ST3GAL5: variants seen among roughly 807,000 people sequenced by gnomAD.
ST3GAL5 encodes the protein lactosylceramide alpha-2,3-sialyltransferase.
Under a neutral mutation model 46.1 loss-of-function variants are expected in ST3GAL5, and 25 were observed. The observed-to-expected ratio is 0.54, with a 90% CI of 0.40 to 0.76. The LOEUF (loss-of-function observed/expected upper bound fraction) is 0.76, where lower values mean the gene tolerates loss of function less well. Among genes scored for constraint, ST3GAL5 ranks in the 30% least tolerant of loss-of-function variants. The pLI is 0.00. For synonymous variants in ST3GAL5, 182 were observed against 192.7 expected, an observed-to-expected ratio of 0.94 and a Z score of 0.46; for missense variants, 431 against 521.2, an observed-to-expected ratio of 0.83 and a Z score of 1.69.
At chr2:85,880,839 A>C (rs78503799) in intron 1 of ST3GAL5, 21 of 499,514 alleles carry the variant, frequency 4.2e-5, no homozygotes, top group Non-Finnish European at 7.9e-5. Flanking sequence ...AAAAAAAAAA[A>C]CTCTCATAAT....
At chr2:85,844,313 G>A in intron 6 of ST3GAL5, 83 bp downstream of exon 6, 4 of 1,576,884 alleles carry the variant, frequency 2.5e-6, no homozygotes, top group Non-Finnish European at 3.5e-6. Flanking sequence ...GATGCTTCTG[G>A]GTATACAGTT....
chr2:85,845,030 A>G (rs1682613532), intron 5 of ST3GAL5: 2 of 226,810 alleles, frequency 8.8e-6, no homozygotes, highest in South Asian at 1.3e-4. Flanking sequence ...TGACTGATAT[A>G]GAATCAGCTT....
At chr2:85,850,151 T>C (rs764314820) in intron 3 of ST3GAL5, 3 of 152,000 alleles carry the variant, frequency 2.0e-5, no homozygotes, top group Non-Finnish European at 4.4e-5. Flanking sequence ...GAGAACACTG[T>C]CTACATCCGA....
At position 85,841,814 on chromosome 2, in the gene ST3GAL5, G is replaced by A. The variant is rs762516767; in HGVS notation, c.1009-1422C>T. Among the ~76,000 whole-genome samples the A allele has an allele frequency of 2.0e-5, 3 of 151,984 alleles. 1 individual carries two copies. Among genetic ancestry groups the A allele is most frequent in the African/African-American group, 7.3e-5 (3 of 41,360 alleles). On this transcript the variant is annotated intron_variant, in intron 6 of 6. Coordinates refer to ENST00000638572, the MANE Select transcript of ST3GAL5 (RefSeq NM_003896.4). The stretch of plus-strand genomic sequence containing the variant: ...TCCTGGAATGTGCAAATCTGACATC[G>A]TGCTTTCTGGATCTCCATGCCAGCC...
intron 1 of ST3GAL5, among the ~76,000 whole-genome samples, chr2:85,878,477 A>T (rs760300157): frequency 6.6e-6 from 1 of 152,194 alleles, no homozygotes; most frequent in Non-Finnish European, 1.5e-5. Flanking sequence ...TCTCCCAGGA[A>T]TGATCTATAA....
Position 85,867,733 on chromosome 2 carries a change from T to A in ST3GAL5, c.83-4248A>T, listed in dbSNP as rs1015474021. The stretch of plus-strand genomic sequence containing the variant: ...TGAAGGAATGTATAGGACATTGACA[T>A]CCAACCCTCAGGAAAATGCAAGAAT... On this transcript the variant is annotated intron_variant, in intron 1 of 6. Transcript: ENST00000638572. 5 of 754,924 alleles carry A rather than the reference T, an allele frequency of 6.6e-6. No homozygotes were observed. The East Asian group carries it at 1.3e-4, about 19-fold the overall frequency. 46.8% of individuals were successfully genotyped at this position (754,924 alleles called of 1,614,324 possible). A position where few individuals can be genotyped will look rare whatever the true frequency, so the allele number is the denominator to read the frequency against.
At chr2:85,841,633 C>A (rs1223829278) in intron 6 of ST3GAL5, among the ~76,000 whole-genome samples, 1 of 152,208 alleles carries the variant, frequency 6.6e-6, no homozygotes, top group Non-Finnish European at 1.5e-5. Flanking sequence ...CCATGTCCAG[C>A]CTCAAGTACA....
At chr2:85,887,186 G>T (rs185447541) in intron 1 of ST3GAL5, among the ~76,000 whole-genome samples, 1 of 152,308 alleles carries the variant, frequency 6.6e-6, no homozygotes, top group African/African-American at 2.4e-5. Flanking sequence ...GGCAAGCAGG[G>T]AAGAACTAGA....
intron 4 of ST3GAL5, 126 bp downstream of exon 4, chr2:85,847,735 C>T (rs1202551197): frequency 1.9e-5 from 26 of 1,386,526 alleles, no homozygotes; most frequent in Middle Eastern, 2.5e-4. Flanking sequence ...GTTGAGGCTG[C>T]AGTGAGCTGA....
intron 3 of ST3GAL5, among the ~76,000 whole-genome samples, chr2:85,852,662 G>A (rs1002516444): frequency 1.3e-5 from 2 of 152,062 alleles, no homozygotes; most frequent in East Asian, 1.9e-4. Flanking sequence ...TGACAGAGGC[G>A]TGGCTGCATA....
chr2:85,871,631 A>C (rs188470081), intron 1 of ST3GAL5, among the ~76,000 whole-genome samples: 7 of 152,302 alleles, frequency 4.6e-5, no homozygotes, highest in Admixed American at 3.9e-4. Flanking sequence ...AAAAAAACTT[A>C]TATCACTGGA....
chr2:85,863,396 T>A lies in ST3GAL5; in HGVS notation c.172A>T (p.Arg58Ter), dbSNP rs1161788315. 1 of 1,614,116 alleles carries A rather than the reference T, an allele frequency of 6.2e-7. No individual in the cohort carries two copies. Among genetic ancestry groups the A allele is most frequent in the African/African-American group, 1.3e-5 (1 of 74,934 alleles). The change falls in exon 2 of 7, where the codon AGA becomes TGA. Residue 58 changes from arginine to a stop codon, truncating the protein, a stop_gained. Transcript: ENST00000638572. LOFTEE classifies it high-confidence loss of function. The stretch of plus-strand genomic sequence containing the variant: ...TCTTTTAATAACAAGCTGGGCCTTC[T>A]CATCTTGCTTTGAGCTCGGGTGTAC... ...QWYTRAQSKM[R>*]RPSLLLKDIL...
chr2:85,884,847 A>G (rs1021277120), intron 1 of ST3GAL5, among the ~76,000 whole-genome samples: 23 of 152,212 alleles, frequency 1.5e-4, no homozygotes, highest in Admixed American at 1.4e-3. Context: ...TGAAAAAGAG[A>G]TGGTCTTAAA....
chr2:85,841,435 G>GT (rs1030800362), intron 6 of ST3GAL5, among the ~76,000 whole-genome samples: 2 of 152,100 alleles, frequency 1.3e-5, no homozygotes, highest in African/African-American at 4.8e-5. Flanking sequence ...ACAGGCTCAG[G>GT]TGATCCTCCC....
chr2:85,849,047 T>G (rs1465610441), intron 3 of ST3GAL5: 1 of 152,434 alleles, frequency 6.6e-6, no homozygotes, highest in Admixed American at 6.5e-5. Context: ...TGCATTTTAA[T>G]GTTTTGCCTC....
rs1294593196 is a variant in ST3GAL5, at chr2:85,852,863, T to G, written c.319-4659A>C. On this transcript the variant is annotated intron_variant, in intron 3 of 6. Transcript: ENST00000638572. Reference sequence around the variant, plus strand: ...GTCGAGGCTTCAGTTTTCTTACCTCTAAGATATCCCAGGAAGGCCTGGAAA... The same window carrying G: ...GTCGAGGCTTCAGTTTTCTTACCTCGAAGATATCCCAGGAAGGCCTGGAAA... The G allele has an allele frequency of 2.3e-6, 3 of 1,303,974 alleles. No individual in the cohort carries two copies. The Admixed American group carries it at 6.9e-5, about 30-fold the overall frequency. The allele number at this position is 1,303,974 out of a possible 1,614,324, so 80.8% of individuals were successfully genotyped here.
intron 3 of ST3GAL5, among the ~76,000 whole-genome samples, chr2:85,859,570 T>C (rs983101038): frequency 4.6e-5 from 7 of 152,150 alleles, no homozygotes; most frequent in African/African-American, 1.7e-4. Context: ...TGAGGACACC[T>C]ATGCTGGGAA....
chr2:85,871,024 C>T (rs901755000), intron 1 of ST3GAL5, among the ~76,000 whole-genome samples: 3 of 151,342 alleles, frequency 2.0e-5, no homozygotes, highest in Non-Finnish European at 4.4e-5. Flanking sequence ...ATATCCATCA[C>T]CTCAACCATT....
chr2:85,839,749 TG>T lies in ST3GAL5; in HGVS notation c.*394del, dbSNP rs563732277. 84 of 326,778 alleles carry T rather than the reference TG, an allele frequency of 2.6e-4. No individual in the cohort carries two copies. Among genetic ancestry groups the T allele is most frequent in the African/African-American group, 1.8e-3 (82 of 46,098 alleles). The allele number at this position is 326,778 out of a possible 1,614,324, so 20.2% of individuals were successfully genotyped here. ...CAAGCAGCGCAGCAGGGAACCAGAA[TG>T]AGGTTCAGGGCCACCATCAAAAGAG... On this transcript the variant is annotated 3_prime_UTR_variant, in exon 7 of 7. Coordinates refer to ENST00000638572, the MANE Select transcript of ST3GAL5 (RefSeq NM_003896.4).
Sources: gnomAD v4.1 joint callset for allele counts (sites outside exome capture counted in the v4.1 genomes callset) on GRCh38, gnomAD v4.1.1 for gene constraint, MANE v1.5 for transcripts, NCBI Gene and HGNC (gene_info 2026-07-23, HGNC 2026-07-21) for gene names.